The following USP28 variants were observed in gnomAD, a reference collection of about 807,000 sequenced individuals.
The protein encoded by USP28 is ubiquitin carboxyl-terminal hydrolase 28.
Under a neutral mutation model 145.0 loss-of-function variants are expected in USP28, and 113 were observed. The ratio of observed to expected loss-of-function variants is 0.78; its 90% CI spans 0.67 to 0.91. USP28 has a LOEUF of 0.91. Among genes scored for constraint, USP28 ranks in the 40% least tolerant of loss-of-function variants. USP28 has a pLI of 0.00. For missense variants in USP28, 1,201 were observed against 1,289.6 expected (o/e 0.93, Z 1.05); for synonymous variants, 447 against 450.9 (o/e 0.99, Z 0.11).
chr11:113,819,115 CTTTTTTT>C (rs1055207541), intron 12 of USP28, among the ~76,000 whole-genome samples: 2 of 140,336 alleles, frequency 1.4e-5, no homozygotes, highest in Non-Finnish European at 3.1e-5. Context: ...CATTTTTATT[CTTTTTTT>C]TTTTTTTTGA....
intron 1 of USP28, 95 bp downstream of exon 1, chr11:113,875,350 T>TCCGCAGC (rs1411240064): frequency 1.9e-4 from 199 of 1,045,788 alleles, no homozygotes; most frequent in Non-Finnish European, 2.1e-4. Context: ...CGGGGCGCCC[T>TCCGCAGC]CCGCAGCCCG....
intron 1 of USP28, among the ~76,000 whole-genome samples, chr11:113,861,073 C>G (rs1480649170): frequency 6.6e-6 from 1 of 150,932 alleles, no homozygotes; most frequent in Non-Finnish European, 1.5e-5. Flanking sequence ...GAGCCAAGAT[C>G]GCACCACTGC....
chr11:113,812,461 G>T (rs201251962), exon 16 of USP28: 1 of 1,614,052 alleles, frequency 6.2e-7, no homozygotes, highest in Non-Finnish European at 8.5e-7. Context: ...TCCAGCATTT[G>T]CTTGTCCTTC....
chr11:113,852,686 C>A, intron 2 of USP28, 53 bp from the exon 3 acceptor site: 1 of 1,599,876 alleles, frequency 6.3e-7, no homozygotes, highest in Non-Finnish European at 8.5e-7. Context: ...GAATTTAAAA[C>A]CAGTTTTGAG....
intron 5 of USP28, among the ~76,000 whole-genome samples, chr11:113,839,973 A>G (rs1338262922): frequency 1.3e-5 from 2 of 152,174 alleles, no homozygotes; most frequent in African/African-American, 4.8e-5. Flanking sequence ...CTGAGATCGC[A>G]CCACTGTTGC....
rs1409404373 is a variant in USP28, at chr11:113,807,075, C to CT, written c.2305-492dup. 6.4e-3 allele frequency among the ~76,000 whole-genome samples: 928 copies of CT among 144,360 alleles called. 3 individuals are homozygous for CT. The highest frequency in any genetic ancestry group is 0.019 in the African/African-American group (751 of 39,642). 94.7% of individuals were successfully genotyped at this position (144,360 alleles called of 152,430 possible). On this transcript the variant is annotated intron_variant, in intron 18 of 24. Coordinates refer to ENST00000003302, the Ensembl canonical transcript of USP28. ...CCATAAAGTAAAAACTTTTCAAGGA[C>CT]TTTTTTTTTTTTTGGGAGACAGAGT...
chr11:113,849,122 A>G (rs955230316), intron 3 of USP28, among the ~76,000 whole-genome samples: 2 of 152,202 alleles, frequency 1.3e-5, no homozygotes, highest in Admixed American at 6.5e-5. Flanking sequence ...CCATAATACA[A>G]TGGAAATGGT....
At chr11:113,819,284 TA>T (rs975170081) in intron 12 of USP28, among the ~76,000 whole-genome samples, 1 of 151,808 alleles carries the variant, frequency 6.6e-6, no homozygotes, top group Admixed American at 6.6e-5. Flanking sequence ...AGCTAATTTT[TA>T]TATTTTTAGT....
rs540528585 is a variant in USP28, at chr11:113,850,680, G to A, written c.268+1821C>T. Among the ~76,000 whole-genome samples, 30 of 152,198 alleles carry A rather than the reference G, an allele frequency of 2.0e-4. No homozygotes were observed. In the South Asian group the frequency reaches 2.3e-3, roughly 12 times the overall value. The stretch of plus-strand genomic sequence containing the variant: ...CAGAGTCCCATTCTCCTGGCTTTCC[G>A]TGGGCACTCTTCACCTCCCCAGACC... On this transcript the variant is annotated intron_variant, in intron 3 of 24. Transcript: ENST00000003302.
intron 19 of USP28, among the ~76,000 whole-genome samples, chr11:113,806,125 A>G (rs1389575452): frequency 1.3e-5 from 2 of 151,792 alleles, no homozygotes; most frequent in Non-Finnish European, 2.9e-5. Context: ...CTTAGTAGAG[A>G]TGGGGGTCTC....
At chr11:113,852,565 T>C (rs758718850) in exon 3 of USP28, 2 of 1,614,196 alleles carry the variant, frequency 1.2e-6, no homozygotes, top group Non-Finnish European at 1.7e-6. Flanking sequence ...CAACAGTGTC[T>C]TGACTGGGCT....
intron 3 of USP28, among the ~76,000 whole-genome samples, chr11:113,845,001 T>C (rs898467700): frequency 6.6e-6 from 1 of 151,168 alleles, no homozygotes; most frequent in Non-Finnish European, 1.5e-5. Flanking sequence ...GAGCCCATAG[T>C]CCCAGGTACT....
chr11:113,812,680 C>T (rs1195177177), intron 15 of USP28, among the ~76,000 whole-genome samples, 176 bp from the exon 16 acceptor site: 5 of 152,222 alleles, frequency 3.3e-5, no homozygotes, highest in African/African-American at 1.2e-4. Flanking sequence ...AATTATGTCT[C>T]AGTTCCAAAA....
In USP28 at chr11:113,852,697, T is replaced by G. The variant is rs1946610202; in HGVS notation, c.136-64A>C. On this transcript the variant is annotated intron_variant, in intron 2 of 24. Transcript: ENST00000003302. ...CATAGAATTTAAAACCAGTTTTGAG[T>G]ATTAACTTTATTACCCTGGTGACAC... is the stretch of plus-strand genomic sequence containing the variant. 1.9e-5 allele frequency: 30 copies of G among 1,551,690 alleles called. No homozygotes were observed. In the South Asian group the frequency reaches 3.1e-4, roughly 16 times the overall value.
chr11:113,807,874 G>T, intron 18 of USP28, 77 bp downstream of exon 19: 1 of 935,022 alleles, frequency 1.1e-6, no homozygotes, highest in Non-Finnish European at 1.3e-6. Flanking sequence ...GCTATTGGCA[G>T]ATACCTTAAT....
intron 8 of USP28, among the ~76,000 whole-genome samples, 162 bp downstream of exon 8, chr11:113,831,758 G>A (rs1944005734): frequency 6.6e-6 from 1 of 151,910 alleles, no homozygotes; most frequent in African/African-American, 2.4e-5. Context: ...GGGGAAAGCT[G>A]AAGGCGACAG....
chr11:113,875,160 G>T (rs1405644566), intron 1 of USP28, among the ~76,000 whole-genome samples: 1 of 152,200 alleles, frequency 6.6e-6, no homozygotes, highest in Non-Finnish European at 1.5e-5. Context: ...ACTGATCCCT[G>T]CGGCGGAGAA....
chr11:113,808,321 C>T (rs143699311), exon 18 of USP28: 59 of 1,613,498 alleles, frequency 3.7e-5, no homozygotes, highest in Middle Eastern at 1.6e-4. Flanking sequence ...GCTTCTACAC[C>T]GCTCTTCTCA....
Position 113,875,434 on chromosome 11 carries a change from G to C in USP28, c.57+11C>G. ...CCGCCCCCAGCTCCCGCTCGCCGCCGCGGAGCCCACCGAGCCGTGGCCGTC... is the reference window on the plus strand; with the variant it reads ...CCGCCCCCAGCTCCCGCTCGCCGCCCCGGAGCCCACCGAGCCGTGGCCGTC... On this transcript the variant is annotated intron_variant, in intron 1 of 24. Coordinates refer to ENST00000003302, the Ensembl canonical transcript of USP28. The C allele has an allele frequency of 8.0e-7, 1 of 1,245,286 alleles. No homozygotes were observed. The highest frequency in any genetic ancestry group is 1.0e-6 in the Non-Finnish European group (1 of 989,574). 77.1% of individuals were successfully genotyped at this position (1,245,286 alleles called of 1,614,324 possible).
Sources: allele counts gnomAD v4.1 joint callset (sites outside exome capture counted in the v4.1 genomes callset), GRCh38; gene constraint gnomAD v4.1.1; transcripts MANE v1.5; gene names NCBI Gene and HGNC (gene_info 2026-07-23, HGNC 2026-07-21).